MAP2K6: variants seen among roughly 807,000 people sequenced by gnomAD.
MAP2K6 encodes the protein dual specificity mitogen-activated protein kinase kinase 6.
MAP2K6 carries 16 observed loss-of-function variants against 53.7 expected under a neutral mutation model. That is an observed-to-expected ratio of 0.30 (90% CI 0.20 to 0.45). The LOEUF (loss-of-function observed/expected upper bound fraction) is 0.45, where lower values mean the gene tolerates loss of function less well. Ranked by LOEUF, MAP2K6 falls within the 20% of genes least tolerant of loss-of-function variation. The probability of loss-of-function intolerance (pLI) is 1.00; values close to 1 mark genes in which losing one functional copy is unlikely to be tolerated. For missense variants in MAP2K6, 204 were observed against 411.9 expected (o/e 0.50, Z 4.37); for synonymous variants, 132 against 143.1 (o/e 0.92, Z 0.55).
At chr17:69,458,352 C>T (rs77826521) in intron 1 of MAP2K6, among the ~76,000 whole-genome samples, 6,721 of 152,230 alleles carry the variant, frequency 0.044, 227 homozygotes, top group East Asian at 0.18. Flanking sequence ...TGCACCCTGC[C>T]GCTCCTTCTT....
chr17:69,505,734 T>C lies in MAP2K6; in HGVS notation c.17-46T>C, dbSNP rs779805970. 33 of 1,468,352 alleles carry C rather than the reference T, an allele frequency of 2.2e-5. No individual in the cohort carries two copies. In the Admixed American group the frequency reaches 5.5e-4, roughly 25 times the overall value. The allele number at this position is 1,468,352 out of a possible 1,614,324, so 91.0% of individuals were successfully genotyped here. On this transcript the variant is annotated intron_variant, in intron 1 of 11. Coordinates refer to ENST00000590474, the MANE Select transcript of MAP2K6 (RefSeq NM_002758.4). ...GCCGCAGTCTCTTTCTCTGCTATCT[T>C]GCTATGATTTAGTCCTTAACTTTTT...
At chr17:69,495,308 G>A (rs571831306) in intron 1 of MAP2K6, among the ~76,000 whole-genome samples, 1 of 151,184 alleles carries the variant, frequency 6.6e-6, no homozygotes, top group East Asian at 2.0e-4. Flanking sequence ...GCGAGACTTC[G>A]GCTCACTGCC....
At chr17:69,479,026 T>C (rs1177274694) in intron 1 of MAP2K6, among the ~76,000 whole-genome samples, 3 of 152,148 alleles carry the variant, frequency 2.0e-5, no homozygotes, top group Admixed American at 6.6e-5. Flanking sequence ...CCATTTTTCT[T>C]TCTAGGTCTG....
intron 1 of MAP2K6, among the ~76,000 whole-genome samples, chr17:69,500,767 A>G (rs12940965): frequency 0.08 from 11,178 of 139,202 alleles, 1,205 homozygotes; most frequent in African/African-American, 0.25. Context: ...AAAAAAAAAG[A>G]AAAAAAAAAA....
At chr17:69,435,514 A>G (rs1169833755) in intron 1 of MAP2K6, 1 of 150,510 alleles carries the variant, frequency 6.6e-6, no homozygotes, top group African/African-American at 2.4e-5. Flanking sequence ...TGCCTGGGTG[A>G]CAGAGTGAGA....
chr17:69,542,625 T>G lies in MAP2K6; in HGVS notation c.*872T>G, dbSNP rs1401430075. ...TGTATGTGTGTGTTTGTGTGTCTAT[T>G]TGGCAATTCACAAGTCCTGCCAAGT... is the stretch of plus-strand genomic sequence containing the variant. On this transcript the variant is annotated 3_prime_UTR_variant, in exon 12 of 12. Coordinates refer to ENST00000590474, the MANE Select transcript of MAP2K6 (RefSeq NM_002758.4). 1 of 152,266 alleles carries G rather than the reference T, an allele frequency of 6.6e-6. No homozygotes were observed. Among genetic ancestry groups the G allele is most frequent in the Non-Finnish European group, 1.5e-5 (1 of 68,056 alleles). The allele number at this position is 152,266 out of a possible 1,614,324, so 9.4% of individuals were successfully genotyped here. A position where few individuals can be genotyped will look rare whatever the true frequency, so the allele number is the denominator to read the frequency against.
intron 10 of MAP2K6, among the ~76,000 whole-genome samples, chr17:69,532,336 C>T (rs1054217002): frequency 2.0e-5 from 3 of 152,174 alleles, no homozygotes; most frequent in African/African-American, 7.2e-5. Context: ...TTCAAATAGG[C>T]AGAAATCCTC....
At chr17:69,430,048 C>T (rs910943389) in intron 1 of MAP2K6, among the ~76,000 whole-genome samples, 36 of 152,090 alleles carry the variant, frequency 2.4e-4, no homozygotes, top group African/African-American at 7.7e-4. Context: ...TAAAATAGGC[C>T]GGGCACAGTG....
At chr17:69,508,196 C>T (rs560857192) in intron 2 of MAP2K6, among the ~76,000 whole-genome samples, 4 of 151,164 alleles carry the variant, frequency 2.6e-5, no homozygotes, top group South Asian at 2.1e-4. Context: ...GGATTATAGG[C>T]GCCTGCCACC....
chr17:69,516,991 T>C, intron 3 of MAP2K6, 88 bp downstream of exon 3: 1 of 1,016,324 alleles, frequency 9.8e-7, no homozygotes, highest in South Asian at 1.4e-5. Context: ...CCTAGCATGC[T>C]GTCAGGGGAT....
intron 1 of MAP2K6, among the ~76,000 whole-genome samples, chr17:69,475,164 G>GTTTT (rs775528883): frequency 5.5e-4 from 61 of 111,632 alleles, no homozygotes; most frequent in African/African-American, 1.6e-3. Flanking sequence ...TGAAATCTGT[G>GTTTT]TTTTTTTTTT....
chr17:69,502,404 T>C (rs1909214882), intron 1 of MAP2K6: 1 of 985,344 alleles, frequency 1.0e-6, no homozygotes, highest in Non-Finnish European at 1.2e-6. Context: ...TGCTGCTCTG[T>C]CAGAGATGGG....
At chr17:69,415,078 C>A in intron 1 of MAP2K6, 78 bp downstream of exon 1, 2 of 1,377,102 alleles carry the variant, frequency 1.5e-6, no homozygotes, top group Non-Finnish European at 2.0e-6. Flanking sequence ...GCAATTTTCG[C>A]CTGGCGAGTG....
In MAP2K6 at chr17:69,545,041, A is replaced by G. The variant is rs1161059261; in HGVS notation, c.*3288A>G. 1.3e-5 allele frequency: 2 copies of G among 152,142 alleles called. No individual in the cohort carries two copies. Among genetic ancestry groups the G allele is most frequent in the Non-Finnish European group, 2.9e-5 (2 of 68,018 alleles). The allele number at this position is 152,142 out of a possible 1,614,324, so 9.4% of individuals were successfully genotyped here. ...ATTTTGCACAAAGTTGTGTTTGACA[A>G]TTTCTAGAAGTTAAATCTTCCCTCA... On this transcript the variant is annotated 3_prime_UTR_variant, in exon 12 of 12. Transcript: ENST00000590474.
At chr17:69,426,240 A>G (rs1906273343) in intron 1 of MAP2K6, among the ~76,000 whole-genome samples, 1 of 152,216 alleles carries the variant, frequency 6.6e-6, no homozygotes, top group African/African-American at 2.4e-5. Flanking sequence ...ATAGGCAGAA[A>G]TGCATTTGAC....
intron 1 of MAP2K6, among the ~76,000 whole-genome samples, chr17:69,493,970 A>AAGCAATTT (rs1908851286): frequency 2.0e-5 from 3 of 152,318 alleles, no homozygotes; most frequent in African/African-American, 7.2e-5. Context: ...GCATAAAATT[A>AAGCAATTT]AGCAATTTAG....
At chr17:69,499,033 AACTTAGGTTTAAAAATGGAT>A (rs1255375003) in intron 1 of MAP2K6, among the ~76,000 whole-genome samples, 1 of 152,128 alleles carries the variant, frequency 6.6e-6, no homozygotes, top group Non-Finnish European at 1.5e-5. Context: ...GAGATAGTTT[AACTTAGGTTTAAAAATGGAT>A]ACTGAGGCAA....
intron 1 of MAP2K6, among the ~76,000 whole-genome samples, chr17:69,444,922 T>A (rs1906926767): frequency 6.6e-6 from 1 of 152,138 alleles, no homozygotes. Context: ...TTCTTTTATT[T>A]TTATTTTTAT....
At chr17:69,525,595 T>A (rs1406483728) in intron 9 of MAP2K6, among the ~76,000 whole-genome samples, 1 of 152,152 alleles carries the variant, frequency 6.6e-6, no homozygotes, top group Non-Finnish European at 1.5e-5. Context: ...GCACATCTTA[T>A]ATGGCGGCAG....
Sources: gnomAD v4.1 joint callset for allele counts (sites outside exome capture counted in the v4.1 genomes callset) on GRCh38, gnomAD v4.1.1 for gene constraint, MANE v1.5 for transcripts, NCBI Gene and HGNC (gene_info 2026-07-23, HGNC 2026-07-21) for gene names.